The following SLC41A2 variants were observed in gnomAD, a reference collection of about 807,000 sequenced individuals.
The protein encoded by SLC41A2 is SLC41A1-like 1.
A neutral mutation model predicts 58.3 loss-of-function variants in SLC41A2; 32 were observed. The ratio of observed to expected loss-of-function variants is 0.55; its 90% CI spans 0.41 to 0.74. The LOEUF is 0.74. SLC41A2 is among the 30% of genes least tolerant of loss of function. The pLI is 0.00. For missense variants in SLC41A2, 514 were observed against 680.6 expected (o/e 0.76, Z 2.72); for synonymous variants, 190 against 235.0 (o/e 0.81, Z 1.75).
chr12:104,954,161 G>T (rs1392780642), intron 1 of SLC41A2, among the ~76,000 whole-genome samples: 2 of 151,940 alleles, frequency 1.3e-5, no homozygotes, highest in East Asian at 1.9e-4. Context: ...AATGTTCCAC[G>T]ATCTCATAAT....
intron 3 of SLC41A2, among the ~76,000 whole-genome samples, chr12:104,907,530 G>C (rs1374833120): frequency 6.6e-6 from 1 of 152,102 alleles, no homozygotes; most frequent in Non-Finnish European, 1.5e-5. Context: ...TAAATATTAA[G>C]TACCAAAAGT....
At chr12:104,915,582 G>A (rs1007522694) in intron 2 of SLC41A2, among the ~76,000 whole-genome samples, 1 of 152,152 alleles carries the variant, frequency 6.6e-6, no homozygotes, top group East Asian at 1.9e-4. Flanking sequence ...TCTGTTATTG[G>A]TGTATAAGAA....
chr12:104,943,068 C>G (rs1479900935), intron 1 of SLC41A2, among the ~76,000 whole-genome samples: 2 of 152,040 alleles, frequency 1.3e-5, no homozygotes, highest in African/African-American at 4.8e-5. Flanking sequence ...AAAATACACA[C>G]TTGACTTTGT....
chr12:104,849,755 G>C (rs1382394158), intron 8 of SLC41A2, among the ~76,000 whole-genome samples: 1 of 152,188 alleles, frequency 6.6e-6, no homozygotes, highest in East Asian at 1.9e-4. Flanking sequence ...TTGAGCCCAA[G>C]AGATTGAGGC....
intron 8 of SLC41A2, among the ~76,000 whole-genome samples, chr12:104,855,532 T>C (rs1318732988): frequency 6.6e-6 from 1 of 152,288 alleles, no homozygotes; most frequent in East Asian, 1.9e-4. Flanking sequence ...CTGAGATTCA[T>C]CCTTGCTCTT....
At chr12:104,820,626 A>G (rs2041592346) in intron 10 of SLC41A2, among the ~76,000 whole-genome samples, 2 of 152,162 alleles carry the variant, frequency 1.3e-5, no homozygotes, top group Admixed American at 1.3e-4. Flanking sequence ...ATATGCACAT[A>G]GTTATTTAAT....
rs1028998677 is a variant in SLC41A2 at position 104,833,778 on chromosome 12, T to C, written c.1536+10694A>G. On this transcript the variant is annotated intron_variant, in intron 10 of 10. Transcript: ENST00000258538. ...TCAATTATAGAATCATTCAGGTCAG[T>C]GTTTTGTTGTTTTTTTTTTGTGGGG... Among the ~76,000 whole-genome samples the C allele has an allele frequency of 9.8e-5, 14 of 142,836 alleles. 1 individual carries two copies. Among genetic ancestry groups the C allele is most frequent in the African/African-American group, 1.6e-4 (6 of 37,370 alleles). 93.7% of individuals were successfully genotyped at this position (142,836 alleles called of 152,430 possible).
At chr12:104,866,325 AT>A in intron 7 of SLC41A2, 106 bp downstream of exon 7, 1 of 1,273,388 alleles carries the variant, frequency 7.9e-7, no homozygotes, top group African/African-American at 1.5e-5. Context: ...CAATTCATTT[AT>A]TTTAATATGC....
At chr12:104,817,600 T>C (rs2041465234) in intron 10 of SLC41A2, among the ~76,000 whole-genome samples, 1 of 152,108 alleles carries the variant, frequency 6.6e-6, no homozygotes, top group Non-Finnish European at 1.5e-5. Flanking sequence ...CTCCTCTTTT[T>C]TTTTCTATTT....
intron 10 of SLC41A2, among the ~76,000 whole-genome samples, chr12:104,841,724 C>T (rs1320438043): frequency 6.6e-6 from 1 of 151,988 alleles, no homozygotes; most frequent in African/African-American, 2.4e-5. Flanking sequence ...ATAATAAGTG[C>T]AATATGAAGG....
At chr12:104,866,306 A>G in intron 7 of SLC41A2, 126 bp downstream of exon 7, 1 of 1,241,488 alleles carries the variant, frequency 8.1e-7, no homozygotes, top group Non-Finnish European at 1.0e-6. Context: ...CCTAAGAAAT[A>G]AAAACAGGCA....
intron 6 of SLC41A2, among the ~76,000 whole-genome samples, chr12:104,885,190 T>C (rs900790894): frequency 6.4e-4 from 98 of 152,248 alleles, no homozygotes; most frequent in African/African-American, 2.0e-3. Context: ...TCTTGTCTTA[T>C]ACCTCACTTA....
chr12:104,896,126 G>T (rs114061919), intron 3 of SLC41A2, among the ~76,000 whole-genome samples: 2,137 of 152,282 alleles, frequency 0.014, 13 homozygotes, highest in Middle Eastern at 0.02. Context: ...TCTTTCAAAT[G>T]ATCTATAGAT....
chr12:104,886,586 C>T, intron 5 of SLC41A2, 147 bp from the exon 6 acceptor site: 1 of 800,344 alleles, frequency 1.2e-6, no homozygotes, highest in South Asian at 2.3e-5. Flanking sequence ...AAAACATTTA[C>T]TCTAACGCTT....
chr12:104,837,463 G>A (rs1261159841), intron 10 of SLC41A2, among the ~76,000 whole-genome samples: 2 of 152,162 alleles, frequency 1.3e-5, no homozygotes, highest in Non-Finnish European at 2.9e-5. Flanking sequence ...GAATGGGAAA[G>A]GTTATGGGGG....
At position 104,802,326 on chromosome 12, in the gene SLC41A2, C is replaced by G. The variant is rs1193860618; in HGVS notation, c.*2826G>C. 1.3e-5 allele frequency among the ~76,000 whole-genome samples: 2 copies of G among 152,154 alleles called. No homozygotes were observed. The highest frequency in any genetic ancestry group is 2.9e-5 in the Non-Finnish European group (2 of 68,030). On this transcript the variant is annotated 3_prime_UTR_variant, in exon 11 of 11. Coordinates refer to ENST00000258538, the MANE Select transcript of SLC41A2 (RefSeq NM_001352171.3). ...AAAGAAATACAGTGAATTCACATTA[C>G]TTAAGACTGATAATAGATTATTGTT...
At position 104,801,962 on chromosome 12, in the gene SLC41A2, T is replaced by TTTGAG; in HGVS notation, c.*3185_*3189dup. Among the ~76,000 whole-genome samples, 1 of 151,552 alleles carries TTTGAG rather than the reference T, an allele frequency of 6.6e-6. No individual in the cohort carries two copies. Among genetic ancestry groups the TTTGAG allele is most frequent in the Non-Finnish European group, 1.5e-5 (1 of 67,992 alleles). The stretch of plus-strand genomic sequence containing the variant: ...ATTATTTCTTAAATTTTATTCTTTA[T>TTTGAG]TTGAGTTTAAAACAATTCGAAGATG... On this transcript the variant is annotated 3_prime_UTR_variant, in exon 11 of 11. Coordinates refer to ENST00000258538, the MANE Select transcript of SLC41A2 (RefSeq NM_001352171.3).
At chr12:104,915,375 C>T (rs936746213) in intron 2 of SLC41A2, among the ~76,000 whole-genome samples, 2 of 152,110 alleles carry the variant, frequency 1.3e-5, no homozygotes, top group African/African-American at 2.4e-5. Flanking sequence ...GCCATTTTCA[C>T]GATATTGATT....
At chr12:104,934,657 A>T (rs553875056) in intron 1 of SLC41A2, among the ~76,000 whole-genome samples, 1 of 152,352 alleles carries the variant, frequency 6.6e-6, no homozygotes, top group African/African-American at 2.4e-5. Flanking sequence ...ATGAATCGAT[A>T]AATACAATGT....
Sources: allele counts gnomAD v4.1 joint callset (sites outside exome capture counted in the v4.1 genomes callset), GRCh38; gene constraint gnomAD v4.1.1; transcripts MANE v1.5; gene names NCBI Gene and HGNC (gene_info 2026-07-23, HGNC 2026-07-21).